The following KCNIP4 variants were observed in gnomAD, a reference collection of about 807,000 sequenced individuals.
KCNIP4 encodes the protein Kv channel-interacting protein 4.
In KCNIP4, 12 loss-of-function variants were observed where a neutral mutation model predicts 34.0. The ratio of observed to expected loss-of-function variants is 0.35; its 90% CI spans 0.23 to 0.57. KCNIP4 has a LOEUF of 0.57. KCNIP4 is among the 20% of genes least tolerant of loss of function. KCNIP4 has a pLI of 0.83. For missense variants in KCNIP4, 238 were observed against 311.7 expected, an observed-to-expected ratio of 0.76 and a Z score of 1.78; for synonymous variants, 124 against 102.2, an observed-to-expected ratio of 1.21 and a Z score of -1.29.
chr4:20,762,807 C>T (rs1431988574), intron 3 of KCNIP4, among the ~76,000 whole-genome samples: 1 of 152,136 alleles, frequency 6.6e-6, no homozygotes, highest in Non-Finnish European at 1.5e-5. Context: ...CATTTCCACA[C>T]TGCTATAAAG....
chr4:21,864,938 A>G (rs1398850414), intron 1 of KCNIP4, among the ~76,000 whole-genome samples: 1 of 152,250 alleles, frequency 6.6e-6, no homozygotes, highest in Non-Finnish European at 1.5e-5. Flanking sequence ...AGTTCAGCAC[A>G]TGCCACATGC....
At chr4:21,948,436 C>A in intron 1 of KCNIP4, 135 bp downstream of exon 1, 1 of 962,310 alleles carries the variant, frequency 1.0e-6, no homozygotes, top group South Asian at 1.7e-5. Flanking sequence ...CCTTCCCAGT[C>A]CCGCCAGGTG....
chr4:21,424,031 G>T (rs186037376), intron 1 of KCNIP4, among the ~76,000 whole-genome samples: 1 of 150,454 alleles, frequency 6.6e-6, no homozygotes, highest in Admixed American at 6.6e-5. Context: ...ATGTTGGTCA[G>T]GCTGGTCTGG....
At chr4:21,694,784 A>G (rs1361037821) in intron 1 of KCNIP4, among the ~76,000 whole-genome samples, 2 of 151,970 alleles carry the variant, frequency 1.3e-5, no homozygotes, top group African/African-American at 4.8e-5. Context: ...CCAATATTCT[A>G]TGTTTGTATA....
At chr4:20,971,156 G>A (rs1734913053) in intron 1 of KCNIP4, among the ~76,000 whole-genome samples, 1 of 152,188 alleles carries the variant, frequency 6.6e-6, no homozygotes, top group Non-Finnish European at 1.5e-5. Flanking sequence ...TTTGGAAAAT[G>A]ATGGGGAGTT....
intron 1 of KCNIP4, among the ~76,000 whole-genome samples, chr4:21,145,341 G>A (rs964267666): frequency 2.0e-5 from 3 of 152,150 alleles, no homozygotes; most frequent in African/African-American, 7.2e-5. Context: ...CATGGAGGTG[G>A]GGAGAGGTTA....
intron 1 of KCNIP4, among the ~76,000 whole-genome samples, chr4:21,787,463 C>G (rs6850403): frequency 0.82 from 125,341 of 152,138 alleles, 52,005 homozygotes; most frequent in Non-Finnish European, 0.87. Flanking sequence ...GCCCACACAG[C>G]AAAACTCAGT....
At chr4:21,295,236 C>G (rs1022009627) in intron 1 of KCNIP4, among the ~76,000 whole-genome samples, 1 of 152,080 alleles carries the variant, frequency 6.6e-6, no homozygotes, top group Non-Finnish European at 1.5e-5. Flanking sequence ...GATTGGGCCA[C>G]AGGCAGTTGT....
intron 1 of KCNIP4, among the ~76,000 whole-genome samples, chr4:21,695,443 C>T (rs530986231): frequency 8.7e-5 from 13 of 149,332 alleles, no homozygotes; most frequent in Non-Finnish European, 1.3e-4. Context: ...TTTTTTTTTC[C>T]TCCTGTGGTT....
chr4:21,508,084 A>C (rs1211613098), intron 1 of KCNIP4, among the ~76,000 whole-genome samples: 1 of 152,198 alleles, frequency 6.6e-6, no homozygotes, highest in Non-Finnish European at 1.5e-5. Context: ...CACAGCATCC[A>C]AACACCATAG....
intron 1 of KCNIP4, among the ~76,000 whole-genome samples, chr4:21,914,895 T>C (rs983274472): frequency 6.6e-6 from 1 of 152,058 alleles, no homozygotes; most frequent in Non-Finnish European, 1.5e-5. Flanking sequence ...AGGAACTGGG[T>C]AACAAATTAC....
At chr4:21,652,061 C>T (rs908434375) in intron 1 of KCNIP4, among the ~76,000 whole-genome samples, 5 of 152,168 alleles carry the variant, frequency 3.3e-5, no homozygotes, top group African/African-American at 9.6e-5. Context: ...TCCAACAGGT[C>T]TACACCTCTA....
chr4:21,042,947 G>A (rs1268265422), intron 1 of KCNIP4, among the ~76,000 whole-genome samples: 1 of 152,168 alleles, frequency 6.6e-6, no homozygotes, highest in Non-Finnish European at 1.5e-5. Flanking sequence ...AGCAATCAGA[G>A]TTCTAAATGA....
At chr4:21,837,839 GA>G (rs1272434776) in intron 1 of KCNIP4, among the ~76,000 whole-genome samples, 5 of 152,064 alleles carry the variant, frequency 3.3e-5, no homozygotes, top group Non-Finnish European at 4.4e-5. Context: ...CATTGCTAGT[GA>G]AAAGGCTTTT....
chr4:21,254,754 C>T (rs1299931677), intron 1 of KCNIP4, among the ~76,000 whole-genome samples: 1 of 152,116 alleles, frequency 6.6e-6, no homozygotes, highest in Middle Eastern at 3.2e-3. Flanking sequence ...TGAGTTGCCC[C>T]CAAGAGTTCA....
chr4:20,944,102 A>G (rs1345973839), intron 1 of KCNIP4, among the ~76,000 whole-genome samples: 2 of 152,210 alleles, frequency 1.3e-5, no homozygotes, highest in Non-Finnish European at 2.9e-5. Context: ...GATTATGATC[A>G]AAAGTGTGAA....
At chr4:20,883,277 C>T (rs1724918773) in intron 1 of KCNIP4, among the ~76,000 whole-genome samples, 1 of 152,088 alleles carries the variant, frequency 6.6e-6, no homozygotes, top group Admixed American at 6.5e-5. Context: ...CTGACATGCC[C>T]AGAGATGTGA....
chr4:20,820,044 G>A (rs1451180412), intron 3 of KCNIP4, among the ~76,000 whole-genome samples: 1 of 152,224 alleles, frequency 6.6e-6, no homozygotes. Context: ...ACAAGATAAT[G>A]CAGAGAGGCT....
At position 21,353,917 on chromosome 4, in the gene KCNIP4, A is replaced by G. The variant is rs141756598; in HGVS notation, c.62-471208T>C. 3.8e-3 allele frequency among the ~76,000 whole-genome samples: 572 copies of G among 152,338 alleles called. 4 individuals carry two copies. Among genetic ancestry groups the G allele is most frequent in the African/African-American group, 0.013 (529 of 41,592 alleles). On this transcript the variant is annotated intron_variant, in intron 1 of 8. Transcript: ENST00000382152. ...CAGAAAGAAAGGTCGGGTTACCCAC[A>G]AAGGGAAGCCCATTAGACTAACAGT...
Sources: gnomAD v4.1 joint callset for allele counts (sites outside exome capture counted in the v4.1 genomes callset) on GRCh38, gnomAD v4.1.1 for gene constraint, MANE v1.5 for transcripts, NCBI Gene and HGNC (gene_info 2026-07-23, HGNC 2026-07-21) for gene names.